PRKCE: variants seen among roughly 807,000 people sequenced by gnomAD.
PRKCE encodes the protein protein kinase C epsilon.
A neutral mutation model predicts 85.4 loss-of-function variants in PRKCE; 16 were observed. The observed-to-expected ratio is 0.19, with a 90% CI of 0.13 to 0.28. The LOEUF is 0.28. Among genes scored for constraint, PRKCE ranks in the 10% least tolerant of loss-of-function variants. PRKCE has a pLI of 1.00. For synonymous variants in PRKCE, 388 were observed against 371.5 expected, an observed-to-expected ratio of 1.04 and a Z score of -0.51; for missense variants, 573 against 975.2, an observed-to-expected ratio of 0.59 and a Z score of 5.49.
At chr2:45,858,891 A>G (rs892223418) in intron 2 of PRKCE, among the ~76,000 whole-genome samples, 1 of 152,034 alleles carries the variant, frequency 6.6e-6, no homozygotes, top group Admixed American at 6.5e-5. Flanking sequence ...AAATACAAAA[A>G]TTAGCCGGGC....
intron 2 of PRKCE, among the ~76,000 whole-genome samples, chr2:45,851,272 T>C (rs563162118): frequency 6.6e-6 from 1 of 152,238 alleles, no homozygotes; most frequent in Non-Finnish European, 1.5e-5. Flanking sequence ...TGACCACAAT[T>C]TGAACTTTTC....
At chr2:45,970,450 A>C (rs749184216) in intron 2 of PRKCE, among the ~76,000 whole-genome samples, 1 of 152,172 alleles carries the variant, frequency 6.6e-6, no homozygotes, top group African/African-American at 2.4e-5. Flanking sequence ...ACTAATTGGG[A>C]GGAAACAATC....
chr2:45,908,630 C>G (rs557310569), intron 2 of PRKCE, among the ~76,000 whole-genome samples: 2 of 152,228 alleles, frequency 1.3e-5, no homozygotes, highest in South Asian at 2.1e-4. Flanking sequence ...ACTGGTATAG[C>G]CTGGATATCT....
chr2:45,980,421 G>A (rs747214351), intron 5 of PRKCE, 40 bp downstream of exon 5: 51 of 1,567,054 alleles, frequency 3.3e-5, no homozygotes, highest in East Asian at 2.0e-4. Context: ...CTTCTTCACC[G>A]CCAGCCCCTC....
intron 2 of PRKCE, among the ~76,000 whole-genome samples, chr2:45,962,845 G>T (rs755389711): frequency 6.6e-6 from 1 of 152,138 alleles, no homozygotes; most frequent in Non-Finnish European, 1.5e-5. Flanking sequence ...GCATGAGTTC[G>T]ATTCTGGGAT....
At chr2:46,125,390 G>A (rs1230135485) in intron 11 of PRKCE, among the ~76,000 whole-genome samples, 1 of 152,180 alleles carries the variant, frequency 6.6e-6, no homozygotes, top group Non-Finnish European at 1.5e-5. Context: ...GACATTTTAG[G>A]TAACAGTGAC....
intron 14 of PRKCE, among the ~76,000 whole-genome samples, chr2:46,177,272 A>T (rs894028397): frequency 5.9e-5 from 9 of 152,196 alleles, no homozygotes; most frequent in African/African-American, 1.9e-4. Context: ...ACTTAAAAAA[A>T]TTTTTTTAAA....
chr2:45,799,713 G>A (rs1375937845), intron 1 of PRKCE, among the ~76,000 whole-genome samples: 2 of 152,172 alleles, frequency 1.3e-5, no homozygotes, highest in Non-Finnish European at 2.9e-5. Context: ...GGGGCTCAGG[G>A]CAGGCTCCTG....
At chr2:45,961,886 G>C (rs1289600108) in intron 2 of PRKCE, among the ~76,000 whole-genome samples, 1 of 152,086 alleles carries the variant, frequency 6.6e-6, no homozygotes, top group Non-Finnish European at 1.5e-5. Flanking sequence ...GTAGAGACGG[G>C]GTTTCTCCAT....
chr2:45,791,099 G>C (rs1305305879), intron 1 of PRKCE, among the ~76,000 whole-genome samples: 2 of 152,216 alleles, frequency 1.3e-5, no homozygotes, highest in African/African-American at 4.8e-5. Flanking sequence ...GGAAGGTTTT[G>C]TGTAGAGGTC....
chr2:45,802,075 C>A (rs1305051814), intron 1 of PRKCE, among the ~76,000 whole-genome samples: 1 of 146,480 alleles, frequency 6.8e-6, no homozygotes, highest in African/African-American at 2.6e-5. Context: ...CATAACAAGA[C>A]CCTATCTTAA....
intron 2 of PRKCE, among the ~76,000 whole-genome samples, chr2:45,926,435 A>C (rs1284070491): frequency 6.6e-6 from 1 of 152,074 alleles, no homozygotes; most frequent in African/African-American, 2.4e-5. Context: ...CATCCTCAGG[A>C]TCTTTTGTTA....
intron 2 of PRKCE, among the ~76,000 whole-genome samples, chr2:45,923,688 A>G (rs1397428494): frequency 1.3e-5 from 2 of 152,232 alleles, no homozygotes; most frequent in Non-Finnish European, 2.9e-5. Flanking sequence ...CTTGTGCAGC[A>G]CAGACTTTGT....
chr2:45,761,756 C>A (rs757440103), intron 1 of PRKCE, among the ~76,000 whole-genome samples: 1 of 152,132 alleles, frequency 6.6e-6, no homozygotes, highest in African/African-American at 2.4e-5. Flanking sequence ...TAAGCACTTC[C>A]CTATCTGATT....
intron 2 of PRKCE, among the ~76,000 whole-genome samples, chr2:45,856,049 CCTTT>C (rs1327048751): frequency 6.6e-6 from 1 of 151,918 alleles, no homozygotes; most frequent in Non-Finnish European, 1.5e-5. Context: ...GAATCCTAAG[CCTTT>C]CTTTCTTTTA....
intron 1 of PRKCE, among the ~76,000 whole-genome samples, chr2:45,710,368 C>T (rs1409699131): frequency 6.6e-6 from 1 of 152,224 alleles, no homozygotes; most frequent in Non-Finnish European, 1.5e-5. Context: ...CACTGAGGTA[C>T]ACAGCCTCTT....
chr2:46,173,810 A>T (rs932153378), intron 14 of PRKCE, among the ~76,000 whole-genome samples: 4 of 152,144 alleles, frequency 2.6e-5, no homozygotes, highest in African/African-American at 9.7e-5. Flanking sequence ...AGTTGGCTGA[A>T]CTCCTTTGAT....
chr2:45,996,120 A>G (rs1022681138), intron 6 of PRKCE, among the ~76,000 whole-genome samples: 4 of 152,158 alleles, frequency 2.6e-5, no homozygotes, highest in Admixed American at 6.5e-5. Context: ...GGGGAATGAT[A>G]ACATAGATGG....
chr2:45,890,828 G>A (rs747784207), intron 2 of PRKCE, among the ~76,000 whole-genome samples: 1 of 152,176 alleles, frequency 6.6e-6, no homozygotes, highest in Non-Finnish European at 1.5e-5. Flanking sequence ...TTGAGGGATG[G>A]GTTAAGGTCA....
Sources: gnomAD v4.1 joint callset for allele counts (sites outside exome capture counted in the v4.1 genomes callset) on GRCh38, gnomAD v4.1.1 for gene constraint, MANE v1.5 for transcripts, NCBI Gene and HGNC (gene_info 2026-07-23, HGNC 2026-07-21) for gene names.